PARD3B: variants seen among roughly 807,000 people sequenced by gnomAD.
PARD3B encodes partitioning defective 3 homolog B.
In PARD3B, 103 loss-of-function variants were observed where a neutral mutation model predicts 130.2. The observed-to-expected ratio is 0.79, with a 90% CI of 0.67 to 0.93. The LOEUF is 0.93. Ranked by LOEUF, PARD3B falls within the 40% of genes least tolerant of loss-of-function variation. The pLI is 0.00. For missense variants in PARD3B, 1,609 were observed against 1,499.2 expected, an observed-to-expected ratio of 1.07 and a Z score of -1.21; for synonymous variants, 583 against 553.2, an observed-to-expected ratio of 1.05 and a Z score of -0.76.
At chr2:204,613,562 T>A (rs1484438555) in intron 1 of PARD3B, among the ~76,000 whole-genome samples, 1 of 152,078 alleles carries the variant, frequency 6.6e-6, no homozygotes, top group Non-Finnish European at 1.5e-5. Flanking sequence ...TTGGACCTTC[T>A]GGAGCACTCT....
chr2:205,066,746 T>C (rs931261182), intron 4 of PARD3B, among the ~76,000 whole-genome samples: 1 of 152,212 alleles, frequency 6.6e-6, no homozygotes, highest in Non-Finnish European at 1.5e-5. Flanking sequence ...TTCTGCTTTT[T>C]TTCATTTTGA....
intron 18 of PARD3B, among the ~76,000 whole-genome samples, chr2:205,372,489 A>G (rs1203292204): frequency 6.6e-6 from 1 of 152,196 alleles, no homozygotes; most frequent in Non-Finnish European, 1.5e-5. Context: ...AGAAATGTCT[A>G]TCAGTTTCCA....
intron 3 of PARD3B, among the ~76,000 whole-genome samples, chr2:205,032,504 T>G: frequency 6.6e-6 from 1 of 152,046 alleles, no homozygotes; most frequent in East Asian, 1.9e-4. Context: ...CAAACCACAG[T>G]TGGAAATGTT....
intron 3 of PARD3B, among the ~76,000 whole-genome samples, chr2:205,025,436 G>A (rs997894864): frequency 6.6e-6 from 1 of 152,120 alleles, no homozygotes; most frequent in Non-Finnish European, 1.5e-5. Context: ...CTAACATCAT[G>A]GCTAAGTTTT....
At chr2:205,103,632 T>C in intron 4 of PARD3B, 1 of 832,560 alleles carries the variant, frequency 1.2e-6, no homozygotes, top group Non-Finnish European at 1.4e-6. Flanking sequence ...CAATAGTTTA[T>C]TGTGACTCCA....
At chr2:204,884,617 C>A (rs933428760) in intron 2 of PARD3B, among the ~76,000 whole-genome samples, 1 of 152,114 alleles carries the variant, frequency 6.6e-6, no homozygotes, top group African/African-American at 2.4e-5. Context: ...TCCCCCTGGC[C>A]CCAGCAACAG....
At chr2:205,370,311 C>T (rs753573496) in intron 18 of PARD3B, among the ~76,000 whole-genome samples, 1 of 152,144 alleles carries the variant, frequency 6.6e-6, no homozygotes. Flanking sequence ...CTACTAGAAC[C>T]ATTGTTTCAT....
chr2:205,153,471 C>G (rs2033899049), intron 10 of PARD3B, among the ~76,000 whole-genome samples: 2 of 152,238 alleles, frequency 1.3e-5, no homozygotes, highest in African/African-American at 2.4e-5. Context: ...CCATACTGCC[C>G]AAGGTAATTT....
intron 16 of PARD3B, among the ~76,000 whole-genome samples, chr2:205,256,857 T>A (rs947431203): frequency 1.3e-5 from 2 of 151,220 alleles, no homozygotes; most frequent in Non-Finnish European, 3.0e-5. Context: ...CAGAAGTATT[T>A]TGGAAGAAAA....
rs201062265 is a variant in PARD3B, at chr2:205,568,616, C to T, written c.3260+15213C>T. ...ATGATGGTTTGAGTGTGTGCTGTGG[C>T]TTTACCTAGGATCGTGGCTATACAC... is the stretch of plus-strand genomic sequence containing the variant. On this transcript the variant is annotated intron_variant, in intron 22 of 22. Transcript: ENST00000406610. The surrounding 1 kb of genome is among the most constrained non-coding windows in gnomAD (Gnocchi z 5.3). Among the ~76,000 whole-genome samples the T allele has an allele frequency of 2.6e-5, 4 of 152,242 alleles. No homozygotes were observed. The East Asian group carries it at 7.7e-4, about 29-fold the overall frequency.
chr2:205,507,030 C>A (rs955832904), intron 21 of PARD3B, among the ~76,000 whole-genome samples: 3 of 151,946 alleles, frequency 2.0e-5, no homozygotes, highest in Admixed American at 1.3e-4. Flanking sequence ...AGAAAGACAG[C>A]CATCTGCAGC....
At chr2:205,528,690 C>A (rs762004625) in intron 21 of PARD3B, among the ~76,000 whole-genome samples, 4 of 152,090 alleles carry the variant, frequency 2.6e-5, no homozygotes, top group Non-Finnish European at 5.9e-5. Context: ...CAGGGTTTGA[C>A]CATGTTGGCC....
At position 205,054,426 on chromosome 2, in the gene PARD3B, ATATATATATATTTTTTTTTTTT is replaced by A. The variant is rs1699475377; in HGVS notation, c.504+6738_504+6759del. On this transcript the variant is annotated intron_variant, in intron 4 of 22. Coordinates refer to ENST00000406610, the MANE Select transcript of PARD3B (RefSeq NM_001302769.2). ...CTTTTATATATATATATATATATAT[ATATATATATATTTTTTTTTTTT>A]TTTTTTTTTAATTATACTCTAAGTT... Among the ~76,000 whole-genome samples the A allele has an allele frequency of 1.7e-4, 4 of 23,810 alleles. 1 individual carries two copies. Among genetic ancestry groups the A allele is most frequent in the Non-Finnish European group, 3.7e-4 (4 of 10,896 alleles). 15.6% of individuals were successfully genotyped at this position (23,810 alleles called of 152,430 possible).
chr2:205,176,371 CT>C lies in PARD3B; in HGVS notation c.1792-71del, dbSNP rs2035468780. The stretch of plus-strand genomic sequence containing the variant: ...AAAGACTATTCATACAGCGATCATT[CT>C]TTCACTTTGCTTCAACTGACCAAGT... On this transcript the variant is annotated intron_variant, in intron 12 of 22. Coordinates refer to ENST00000406610, the MANE Select transcript of PARD3B (RefSeq NM_001302769.2). The surrounding 1 kb of genome is among the most constrained non-coding windows in gnomAD (Gnocchi z 5.3). 3.6e-6 allele frequency: 5 copies of C among 1,398,290 alleles called. No homozygotes were observed. The East Asian group carries it at 1.2e-4, about 34-fold the overall frequency. 86.6% of individuals were successfully genotyped at this position (1,398,290 alleles called of 1,614,324 possible). A position where few individuals can be genotyped will look rare whatever the true frequency, so the allele number is the denominator to read the frequency against.
In PARD3B at chr2:205,280,623, T is replaced by C. The variant is rs1195472894; in HGVS notation, c.2186-19907T>C. 2.0e-5 allele frequency among the ~76,000 whole-genome samples: 3 copies of C among 152,340 alleles called. No individual in the cohort carries two copies. In the East Asian group the frequency reaches 5.8e-4, roughly 29 times the overall value. The stretch of plus-strand genomic sequence containing the variant: ...TCTGTTGTCTCCCCAGATCAAGCTG[T>C]GTTTGTCTTATTTGTACATTTATAG... On this transcript the variant is annotated intron_variant, in intron 16 of 22. Coordinates refer to ENST00000406610, the MANE Select transcript of PARD3B (RefSeq NM_001302769.2). The surrounding 1 kb of genome is among the most constrained non-coding windows in gnomAD (Gnocchi z 4.7).
intron 2 of PARD3B, among the ~76,000 whole-genome samples, chr2:204,895,530 T>C (rs998012457): frequency 2.6e-5 from 4 of 152,116 alleles, no homozygotes; most frequent in Non-Finnish European, 5.9e-5. Flanking sequence ...TATGAACATT[T>C]ATACTATCAC....
At chr2:205,117,314 A>C (rs910308772) in intron 6 of PARD3B, among the ~76,000 whole-genome samples, 15 of 152,210 alleles carry the variant, frequency 9.9e-5, no homozygotes, top group Non-Finnish European at 1.9e-4. Flanking sequence ...ACAAGACCCC[A>C]CTGCACACTT....
intron 15 of PARD3B, among the ~76,000 whole-genome samples, chr2:205,201,476 G>C (rs1183178079): frequency 6.6e-6 from 1 of 152,210 alleles, no homozygotes; most frequent in South Asian, 2.1e-4. Flanking sequence ...ATATTTTTCA[G>C]TGTTTGACAA....
chr2:205,249,639 AC>A (rs964625092), intron 16 of PARD3B, among the ~76,000 whole-genome samples: 1 of 152,048 alleles, frequency 6.6e-6, no homozygotes, highest in Non-Finnish European at 1.5e-5. Context: ...GATTTCTCTA[AC>A]CCCTATTTCA....
Sources: gnomAD v4.1 joint callset for allele counts (sites outside exome capture counted in the v4.1 genomes callset) on GRCh38, gnomAD v4.1.1 for gene constraint, Gnocchi (gnomAD v3.1) non-coding constraint, MANE v1.5 for transcripts, NCBI Gene and HGNC (gene_info 2026-07-23, HGNC 2026-07-21) for gene names.